The following EHMT1 variants were observed in gnomAD, a reference collection of about 807,000 sequenced individuals.
EHMT1 encodes histone-lysine N-methyltransferase EHMT1.
EHMT1 carries 15 observed loss-of-function variants against 147.2 expected under a neutral mutation model. That is an observed-to-expected ratio of 0.10 (90% confidence interval 0.07 to 0.16). The LOEUF (loss-of-function observed/expected upper bound fraction) is 0.16, where lower values mean the gene tolerates loss of function less well. Among genes scored for constraint, EHMT1 ranks in the 10% least tolerant of loss-of-function variants. EHMT1 has a pLI of 1.00. For missense variants in EHMT1, 1,587 were observed against 1,772.4 expected, an observed-to-expected ratio of 0.90 and a Z score of 1.88; for synonymous variants, 795 against 709.6, an observed-to-expected ratio of 1.12 and a Z score of -1.91.
chr9:137,793,464 T>C (rs1952674694), intron 16 of EHMT1, among the ~76,000 whole-genome samples: 1 of 152,214 alleles, frequency 6.6e-6, no homozygotes, highest in Non-Finnish European at 1.5e-5. Context: ...GCTGCAGCCA[T>C]TGTGGAAACC....
intron 1 of EHMT1, among the ~76,000 whole-genome samples, chr9:137,668,707 ACTT>A (rs1021462667): frequency 1.6e-4 from 23 of 146,634 alleles, no homozygotes; most frequent in African/African-American, 5.4e-4. Flanking sequence ...TTCGTGCCTG[ACTT>A]CTTTCACTTA....
intron 10 of EHMT1, chr9:137,763,853 T>C (rs541120272): frequency 1.3e-5 from 2 of 152,482 alleles, no homozygotes; most frequent in Admixed American, 1.3e-4. Flanking sequence ...AAGGCAGGAA[T>C]GGGAGCCTTG....
At chr9:137,673,679 C>T (rs904321328) in intron 1 of EHMT1, among the ~76,000 whole-genome samples, 7 of 152,254 alleles carry the variant, frequency 4.6e-5, no homozygotes, top group African/African-American at 7.2e-5. Context: ...CTCAGGGAGG[C>T]TCTGGCCGGG....
intron 16 of EHMT1, among the ~76,000 whole-genome samples, chr9:137,798,446 A>G (rs1400653160): frequency 6.6e-6 from 1 of 152,208 alleles, no homozygotes; most frequent in Non-Finnish European, 1.5e-5. Context: ...CCCAGCAGCA[A>G]AGGAAGCAAG....
intron 4 of EHMT1, among the ~76,000 whole-genome samples, chr9:137,730,124 A>G (rs1232680906): frequency 1.3e-5 from 2 of 152,246 alleles, no homozygotes; most frequent in Non-Finnish European, 2.9e-5. Flanking sequence ...GATTGTGTGC[A>G]GGTCGTGGAG....
At chr9:137,666,511 C>A (rs1042270750) in intron 1 of EHMT1, among the ~76,000 whole-genome samples, 2 of 152,174 alleles carry the variant, frequency 1.3e-5, no homozygotes, top group Admixed American at 1.3e-4. Context: ...TGAGCAGGAA[C>A]CAGGGACCCT....
At chr9:137,833,512 C>T (rs1364964446) in intron 25 of EHMT1, among the ~76,000 whole-genome samples, 1 of 152,244 alleles carries the variant, frequency 6.6e-6, no homozygotes, top group East Asian at 1.9e-4. Flanking sequence ...ACCTTACTCC[C>T]ACGCAGCTCC....
chr9:137,832,460 G>T (rs1007604984), intron 25 of EHMT1, among the ~76,000 whole-genome samples: 20 of 147,994 alleles, frequency 1.4e-4, no homozygotes, highest in African/African-American at 4.5e-4. Flanking sequence ...GTCTCCCTCA[G>T]GCCCCGCCTC....
chr9:137,693,470 A>G (rs1480008800), intron 1 of EHMT1, among the ~76,000 whole-genome samples: 1 of 152,132 alleles, frequency 6.6e-6, no homozygotes, highest in Non-Finnish European at 1.5e-5. Context: ...AACCAAGGTT[A>G]CGCATCTCAT....
chr9:137,821,356 C>T (rs1225361239), intron 25 of EHMT1, among the ~76,000 whole-genome samples: 2 of 110,504 alleles, frequency 1.8e-5, no homozygotes, highest in African/African-American at 3.5e-5. Flanking sequence ...GAGACCAGGT[C>T]TTGCTGTGTT....
chr9:137,825,035 A>G (rs893191659), intron 25 of EHMT1, among the ~76,000 whole-genome samples: 4 of 152,184 alleles, frequency 2.6e-5, no homozygotes, highest in African/African-American at 4.8e-5. Context: ...TGTTAGCTTC[A>G]GGCCTTTTGT....
chr9:137,692,524 C>G (rs1943028795), intron 1 of EHMT1, among the ~76,000 whole-genome samples: 2 of 152,044 alleles, frequency 1.3e-5, no homozygotes, highest in Non-Finnish European at 2.9e-5. Context: ...CCTCAGCCTC[C>G]CAAAGTGCTG....
At chr9:137,814,060 C>G (rs1365962027) in intron 21 of EHMT1, among the ~76,000 whole-genome samples, 2,070 of 45,212 alleles carry the variant, frequency 0.046, 81 homozygotes, top group South Asian at 0.089. Context: ...GCCCAGGCCC[C>G]CCCCCCCCCC....
chr9:137,712,366 G>A (rs541408524), intron 2 of EHMT1, among the ~76,000 whole-genome samples: 2 of 152,264 alleles, frequency 1.3e-5, no homozygotes, highest in Admixed American at 1.3e-4. Flanking sequence ...TCCACCCTGG[G>A]GGAACTGCTG....
intron 4 of EHMT1, among the ~76,000 whole-genome samples, chr9:137,737,826 C>T (rs1337158617): frequency 6.6e-6 from 1 of 152,168 alleles, no homozygotes; most frequent in Non-Finnish European, 1.5e-5. Flanking sequence ...AATCCTATGT[C>T]TGATGAGGAA....
rs752009162 is a variant in EHMT1, at chr9:137,775,062, G to A, written c.1648-47G>A. 18 of 1,613,294 alleles carry A rather than the reference G, an allele frequency of 1.1e-5. No homozygotes were observed. Among genetic ancestry groups the A allele is most frequent in the African/African-American group, 1.1e-4 (8 of 74,902 alleles). On this transcript the variant is annotated intron_variant, in intron 10 of 26. Coordinates refer to ENST00000460843, the MANE Select transcript of EHMT1 (RefSeq NM_024757.5). The surrounding 1 kb of genome is among the most constrained non-coding windows in gnomAD (Gnocchi z 6.1). ...CCAGCGCCTGGTGGGAGGGAATGCC[G>A]GCCTCTCGTGACTCTGACATTGACC...
intron 1 of EHMT1, among the ~76,000 whole-genome samples, chr9:137,639,490 A>G (rs1393647085): frequency 9.2e-5 from 14 of 152,200 alleles, no homozygotes; most frequent in African/African-American, 2.2e-4. Context: ...TTTTGAGACT[A>G]TGTTATCTTG....
At chr9:137,720,847 G>A (rs1262632699) in intron 3 of EHMT1, among the ~76,000 whole-genome samples, 1 of 152,056 alleles carries the variant, frequency 6.6e-6, no homozygotes, top group Non-Finnish European at 1.5e-5. Context: ...TTGGATGTAA[G>A]ATTTACTTCT....
At position 137,811,487 on chromosome 9, in the gene EHMT1, G is replaced by A. The variant is rs764507326; in HGVS notation, c.2739G>A (p.Ala913=). 27 of 1,612,206 alleles carry A rather than the reference G, an allele frequency of 1.7e-5. No homozygotes were observed. Among genetic ancestry groups the A allele is most frequent in the East Asian group, 1.3e-4 (6 of 44,876 alleles). Residue 913 remains alanine, a synonymous_variant, in exon 19 of 27, where the codon GCG becomes GCA. Transcript: ENST00000460843. ...AGGAGAACATTTGCCTGCACTGGGCGGCGTTCTCCGGCTGCGTGGACATAG... is the reference window on the plus strand; with the variant it reads ...AGGAGAACATTTGCCTGCACTGGGCAGCGTTCTCCGGCTGCGTGGACATAG... ...DNEENICLHW[A]AFSGCVDIAE... is the part of the protein sequence containing the mutation.
Sources: gnomAD v4.1 joint callset for allele counts (sites outside exome capture counted in the v4.1 genomes callset) on GRCh38, gnomAD v4.1.1 for gene constraint, Gnocchi (gnomAD v3.1) non-coding constraint, MANE v1.5 for transcripts, NCBI Gene and HGNC (gene_info 2026-07-23, HGNC 2026-07-21) for gene names.